The following PPFIBP2 variants were observed in gnomAD, a reference collection of about 807,000 sequenced individuals.
The protein encoded by PPFIBP2 is liprin-beta-2.
A neutral mutation model predicts 118.3 loss-of-function variants in PPFIBP2; 118 were observed. That is an observed-to-expected ratio of 1.00 (90% CI 0.86 to 1.16). The LOEUF (loss-of-function observed/expected upper bound fraction) is 1.16. Among genes scored for constraint, PPFIBP2 ranks in the 50% most tolerant of loss-of-function variants. PPFIBP2 has a pLI of 0.00. For missense variants in PPFIBP2, 1,195 were observed against 1,073.1 expected, an observed-to-expected ratio of 1.11 and a Z score of -1.59; for synonymous variants, 414 against 397.4, an observed-to-expected ratio of 1.04 and a Z score of -0.50.
chr11:7,572,651 A>G (rs1380878407), intron 3 of PPFIBP2, among the ~76,000 whole-genome samples: 2 of 152,268 alleles, frequency 1.3e-5, no homozygotes, highest in African/African-American at 2.4e-5. Flanking sequence ...AAATCCTGCC[A>G]GAGATACACT....
chr11:7,616,766 TTG>T lies in PPFIBP2; in HGVS notation c.619-4160_619-4159del, dbSNP rs148584962. ...ATGCATATGTGGAGAGAGGACGTGTTTGTGTGTGTGCCCCAGTGTGCACCCAT... is the reference window on the plus strand; with the variant it reads ...ATGCATATGTGGAGAGAGGACGTGTTTGTGTGTGCCCCAGTGTGCACCCAT... On this transcript the variant is annotated intron_variant, in intron 6 of 23. Transcript: ENST00000299492. The surrounding 1 kb of genome is among the most constrained non-coding windows in gnomAD (Gnocchi z 5.2). Among the ~76,000 whole-genome samples, 6,873 of 151,738 alleles carry T rather than the reference TTG, an allele frequency of 0.045. 332 individuals carry two copies. Among genetic ancestry groups the T allele is most frequent in the Admixed American group, 0.11 (1,724 of 15,224 alleles).
intron 3 of PPFIBP2, among the ~76,000 whole-genome samples, chr11:7,582,138 A>G (rs576961694): frequency 6.6e-6 from 1 of 152,270 alleles, no homozygotes; most frequent in East Asian, 1.9e-4. Context: ...GTGCCCAGCC[A>G]ATTCAATGTA....
rs1457161206 is a variant in PPFIBP2 at position 7,616,606 on chromosome 11, A to G, written c.619-4329A>G. 6.6e-6 allele frequency among the ~76,000 whole-genome samples: 1 copy of G among 152,218 alleles called. No individual in the cohort carries two copies. The highest frequency in any genetic ancestry group is 1.5e-5 in the Non-Finnish European group (1 of 68,036). On this transcript the variant is annotated intron_variant, in intron 6 of 23. Transcript: ENST00000299492. This position sits in a 1 kb window ranked among gnomAD's most constrained non-coding sequence, Gnocchi z 5.2. ...GGAGGAATAGAAGATGAATATACTG[A>G]AATAGGCATATTGATGCCTGAGTTC...
At chr11:7,664,791 G>T in the PPFIBP2 span, among the ~76,000 whole-genome samples, 2 of 151,612 alleles carry the variant, frequency 1.3e-5, no homozygotes, top group Non-Finnish European at 2.9e-5. Context: ...GGGGATGGGT[G>T]AGGTTGGCTG....
At chr11:7,597,502 C>A in intron 4 of PPFIBP2, 58 bp from the exon 5 acceptor site, 1 of 1,556,612 alleles carries the variant, frequency 6.4e-7, no homozygotes, top group Non-Finnish European at 8.8e-7. Context: ...GGTGGGGAGG[C>A]TTTCCTGCAC....
intron 21 of PPFIBP2, 49 bp from the exon 22 acceptor site, chr11:7,650,791 G>A (rs1421076579): frequency 1.9e-6 from 3 of 1,600,430 alleles, no homozygotes; most frequent in Non-Finnish European, 2.6e-6. Context: ...GAGGACCATG[G>A]TGGGACCTAT....
In PPFIBP2 at chr11:7,541,563, G is replaced by A. The variant is rs74534625; in HGVS notation, c.-36-7877G>A. On this transcript the variant is annotated intron_variant, in intron 1 of 23. Transcript: ENST00000299492. ...TCCTTTGTCCATTCCTCTTCTCCCC[G>A]GTGGCTGCATGGTGGAGTGTTTCAG... 7.6e-3 allele frequency among the ~76,000 whole-genome samples: 1,156 copies of A among 152,180 alleles called. 17 individuals carry two copies. Among genetic ancestry groups the A allele is most frequent in the African/African-American group, 0.025 (1,049 of 41,512 alleles).
chr11:7,546,891 T>C (rs1008362728), intron 1 of PPFIBP2, among the ~76,000 whole-genome samples: 3 of 152,224 alleles, frequency 2.0e-5, no homozygotes, highest in African/African-American at 7.2e-5. Context: ...TATTTGTTCA[T>C]ACTTCCGTCT....
intron 2 of PPFIBP2, among the ~76,000 whole-genome samples, chr11:7,562,932 TA>T (rs1854471156): frequency 5.5e-4 from 2 of 3,628 alleles, no homozygotes; most frequent in Non-Finnish European, 1.2e-3. Context: ...TAAAGTTTTA[TA>T]TATATATATA....
intron 4 of PPFIBP2, among the ~76,000 whole-genome samples, chr11:7,593,717 G>A (rs946694850): frequency 1.3e-5 from 2 of 152,188 alleles, no homozygotes; most frequent in Non-Finnish European, 2.9e-5. Flanking sequence ...GGTAACAGGG[G>A]CTAAGCCTTT....
intron 6 of PPFIBP2, among the ~76,000 whole-genome samples, chr11:7,618,934 C>T (rs1849021981): frequency 2.8e-5 from 4 of 143,226 alleles, no homozygotes; most frequent in African/African-American, 1.0e-4. Context: ...TCAGCATATG[C>T]TCACCTCAAC....
At chr11:7,647,163 T>A (rs973446069) in intron 17 of PPFIBP2, among the ~76,000 whole-genome samples, 7 of 152,236 alleles carry the variant, frequency 4.6e-5, no homozygotes, top group African/African-American at 1.4e-4. Flanking sequence ...ACCAGGCATT[T>A]AAAAAAATAT....
chr11:7,543,331 G>C (rs571952434), intron 1 of PPFIBP2, among the ~76,000 whole-genome samples: 2 of 152,344 alleles, frequency 1.3e-5, no homozygotes, highest in South Asian at 4.1e-4. Flanking sequence ...TTGTAATATA[G>C]TGACACTTCT....
At chr11:7,522,743 T>C (rs566555078) in intron 1 of PPFIBP2, among the ~76,000 whole-genome samples, 2 of 152,322 alleles carry the variant, frequency 1.3e-5, no homozygotes, top group Admixed American at 1.3e-4. Flanking sequence ...CGAAGGCTCA[T>C]GAGGCCTCCT....
At chr11:7,603,409 C>T (rs1483660225) in intron 5 of PPFIBP2, among the ~76,000 whole-genome samples, 1 of 152,236 alleles carries the variant, frequency 6.6e-6, no homozygotes, top group Non-Finnish European at 1.5e-5. Context: ...CTCTTCTCTG[C>T]ACAGTGTTAC....
chr11:7,562,964 T>TACACACACACAC (rs1854500580), intron 2 of PPFIBP2, among the ~76,000 whole-genome samples: 9 of 62,832 alleles, frequency 1.4e-4, no homozygotes, highest in African/African-American at 6.9e-4. Flanking sequence ...TATATATATA[T>TACACACACACAC]ATATATATAT....
intron 14 of PPFIBP2, among the ~76,000 whole-genome samples, chr11:7,636,096 TAAAGAA>T (rs1379315427): frequency 4.6e-5 from 7 of 152,160 alleles, no homozygotes; most frequent in Admixed American, 2.6e-4. Flanking sequence ...GTTGAGCCCA[TAAAGAA>T]ATGAAGATTC....
At chr11:7,643,067 A>C (rs1028223668) in intron 17 of PPFIBP2, among the ~76,000 whole-genome samples, 1 of 152,206 alleles carries the variant, frequency 6.6e-6, no homozygotes, top group Non-Finnish European at 1.5e-5. Context: ...TGTGTAGACC[A>C]TTAGCTTTTA....
At chr11:7,564,062 A>T (rs1019874306) in intron 2 of PPFIBP2, among the ~76,000 whole-genome samples, 1 of 152,040 alleles carries the variant, frequency 6.6e-6, no homozygotes, top group Non-Finnish European at 1.5e-5. Context: ...GCTACTCGGG[A>T]GGCTGAGGCA....
Sources: gnomAD v4.1 joint callset for allele counts (sites outside exome capture counted in the v4.1 genomes callset) on GRCh38, gnomAD v4.1.1 for gene constraint, Gnocchi (gnomAD v3.1) non-coding constraint, MANE v1.5 for transcripts, NCBI Gene and HGNC (gene_info 2026-07-23, HGNC 2026-07-21) for gene names.